LPIN1: variants seen among roughly 807,000 people sequenced by gnomAD.
LPIN1 encodes the protein phosphatidate phosphatase LPIN1.
A neutral mutation model predicts 107.5 loss-of-function variants in LPIN1; 71 were observed. The observed-to-expected ratio is 0.66, with a 90% CI of 0.55 to 0.80. The LOEUF (loss-of-function observed/expected upper bound fraction) is 0.80. Among genes scored for constraint, LPIN1 ranks in the 30% least tolerant of loss-of-function variants. The pLI, the probability that LPIN1 is intolerant of heterozygous loss-of-function variation, is 0.00. For missense variants in LPIN1, 1,043 were observed against 1,160.6 expected (o/e 0.90, Z 1.47); for synonymous variants, 445 against 452.6 (o/e 0.98, Z 0.21).
At chr2:11,742,668 C>T (rs924977929), upstream of LPIN1, among the ~76,000 whole-genome samples, 5 of 152,226 alleles carry the variant, frequency 3.3e-5, no homozygotes, top group Non-Finnish European at 4.4e-5. Flanking sequence ...TTTCCCTGTC[C>T]GCTCCTCGCA....
chr2:11,724,543 C>T (rs538322334), intron 1 of LPIN1: 16 of 985,642 alleles, frequency 1.6e-5, no homozygotes, highest in East Asian at 1.1e-4. Context: ...GACCCAGGTT[C>T]GCATGAGCAG....
intron 1 of LPIN1, among the ~76,000 whole-genome samples, chr2:11,732,907 CTCTCTGTG>C (rs1665390722): frequency 6.6e-6 from 1 of 150,640 alleles, no homozygotes; most frequent in African/African-American, 2.5e-5. Flanking sequence ...CTCTCTCTCT[CTCTCTGTG>C]TGTGTGTGTG....
At chr2:11,734,095 C>T (rs147198463) in intron 1 of LPIN1, among the ~76,000 whole-genome samples, 209 of 152,310 alleles carry the variant, frequency 1.4e-3, no homozygotes, top group African/African-American at 4.7e-3. Flanking sequence ...GGCCATGAAT[C>T]AAAACAGACC....
In LPIN1 at chr2:11,687,600, G is replaced by T. The variant is rs554978568; in HGVS notation, c.81+9872G>T. On this transcript the variant is annotated intron_variant, in intron 1 of 21. Coordinates refer to the LPIN1 transcript ENST00000449576. Reference sequence around the variant, plus strand: ...AGTAGGAGAGAAATACAGAGAATCTGAACAGTTCAGAGAATCTGGCTCTAT... The same window carrying T: ...AGTAGGAGAGAAATACAGAGAATCTTAACAGTTCAGAGAATCTGGCTCTAT... Among the ~76,000 whole-genome samples the T allele has an allele frequency of 2.6e-5, 4 of 152,324 alleles. 1 individual carries two copies. In the South Asian group the frequency reaches 8.3e-4, roughly 32 times the overall value.
In LPIN1 at chr2:11,776,202, G is replaced by C. The variant is rs1672661142; in HGVS notation, c.830+9G>C. ...TTCCATCCTTCGGAAAGGTAGAGGA[G>C]TTATTTTCCCCATTGGGATATATTC... On this transcript the variant is annotated intron_variant, in intron 6 of 20. Transcript: ENST00000674199. The C allele has an allele frequency of 6.7e-7, 1 of 1,501,138 alleles. No individual in the cohort carries two copies. Among genetic ancestry groups the C allele is most frequent in the South Asian group, 1.2e-5 (1 of 81,178 alleles). The allele number at this position is 1,501,138 out of a possible 1,614,324, so 93.0% of individuals were successfully genotyped here. A position where few individuals can be genotyped will look rare whatever the true frequency, so the allele number is the denominator to read the frequency against.
chr2:11,791,796 T>A (rs769597834), intron 12 of LPIN1, 118 bp from the exon 13 acceptor site: 2 of 1,512,412 alleles, frequency 1.3e-6, no homozygotes, highest in African/African-American at 1.4e-5. Flanking sequence ...GTATGTTGTG[T>A]TTTCTCTGAT....
At chr2:11,761,082 C>A (rs928926264) in intron 1 of LPIN1, among the ~76,000 whole-genome samples, 1 of 152,156 alleles carries the variant, frequency 6.6e-6, no homozygotes, top group Non-Finnish European at 1.5e-5. Context: ...AGGCTGCATT[C>A]CTACAGGGTT....
chr2:11,692,745 A>C (rs1662337238), intron 1 of LPIN1, among the ~76,000 whole-genome samples: 1 of 152,184 alleles, frequency 6.6e-6, no homozygotes, highest in South Asian at 2.1e-4. Flanking sequence ...AATCATTTAA[A>C]TTGCCCTTCT....
rs1472266265 is a variant in LPIN1, at chr2:11,776,198, A to G, written c.830+5A>G. 2.0e-6 allele frequency: 3 copies of G among 1,516,724 alleles called. No homozygotes were observed. Among genetic ancestry groups the G allele is most frequent in the African/African-American group, 1.4e-5 (1 of 72,502 alleles). The allele number at this position is 1,516,724 out of a possible 1,614,324, so 94.0% of individuals were successfully genotyped here. A position where few individuals can be genotyped will look rare whatever the true frequency, so the allele number is the denominator to read the frequency against. ...CCTGTTCCATCCTTCGGAAAGGTAG[A>G]GGAGTTATTTTCCCCATTGGGATAT... On this transcript the variant is annotated splice_donor_5th_base_variant and intron_variant, in intron 6 of 20. Transcript: ENST00000674199.
chr2:11,770,044 C>T (rs972800782), intron 3 of LPIN1, among the ~76,000 whole-genome samples: 2 of 152,234 alleles, frequency 1.3e-5, no homozygotes, highest in Admixed American at 6.5e-5. Flanking sequence ...CTGCTCTTCA[C>T]TTCTCTTAGA....
At chr2:11,794,209 C>G (rs1676274932) in intron 13 of LPIN1, among the ~76,000 whole-genome samples, 1 of 152,094 alleles carries the variant, frequency 6.6e-6, no homozygotes, top group Admixed American at 6.5e-5. Context: ...GCATGAAGGG[C>G]CTCTCTGGTT....
chr2:11,738,412 G>A (rs1666010761), intron 1 of LPIN1, among the ~76,000 whole-genome samples: 1 of 151,674 alleles, frequency 6.6e-6, no homozygotes, highest in Non-Finnish European at 1.5e-5. Flanking sequence ...AAGAAGAAGA[G>A]GGGAGGGTGT....
intron 1 of LPIN1, among the ~76,000 whole-genome samples, chr2:11,763,893 A>G (rs1670264297): frequency 6.6e-6 from 1 of 151,040 alleles, no homozygotes; most frequent in African/African-American, 2.4e-5. Context: ...CCTCTGATGC[A>G]CCTTCTTTCC....
upstream of LPIN1, among the ~76,000 whole-genome samples, chr2:11,742,866 G>T (rs985068313): frequency 6.6e-6 from 1 of 152,234 alleles, no homozygotes; most frequent in East Asian, 1.9e-4. Flanking sequence ...GGCCAGCCAC[G>T]GCCTTCTTTC....
At chr2:11,677,689 C>A in exon 1 of LPIN1, 1 of 1,535,744 alleles carries the variant, frequency 6.5e-7, no homozygotes, top group Non-Finnish European at 8.7e-7. Flanking sequence ...GCTGGGAGAC[C>A]TCGCAGGGCA....
intron 3 of LPIN1, among the ~76,000 whole-genome samples, chr2:11,768,922 C>T (rs866659032): frequency 7.9e-4 from 120 of 151,944 alleles, no homozygotes; most frequent in African/African-American, 2.8e-3. Flanking sequence ...GGTGTCAGAG[C>T]GAGGCTCTGT....
intron 1 of LPIN1, among the ~76,000 whole-genome samples, chr2:11,712,264 C>T (rs1042662466): frequency 5.9e-5 from 9 of 152,220 alleles, no homozygotes; most frequent in South Asian, 2.1e-4. Flanking sequence ...CTGCCTGGAG[C>T]GGCCTTTCTT....
upstream of LPIN1, chr2:11,742,192 C>T (rs1230772328): frequency 1.3e-5 from 2 of 152,158 alleles, no homozygotes; most frequent in Non-Finnish European, 2.9e-5. Context: ...TCATGTGCCG[C>T]ATACCAATGT....
chr2:11,755,386 A>C (rs1668517208), intron 1 of LPIN1, among the ~76,000 whole-genome samples: 1 of 152,150 alleles, frequency 6.6e-6, no homozygotes, highest in Non-Finnish European at 1.5e-5. Flanking sequence ...GATGGGACCA[A>C]AAATAAAAGT....
Sources: gnomAD v4.1 joint callset for allele counts (sites outside exome capture counted in the v4.1 genomes callset) on GRCh38, gnomAD v4.1.1 for gene constraint, MANE v1.5 for transcripts, NCBI Gene and HGNC (gene_info 2026-07-23, HGNC 2026-07-21) for gene names.